The following UNC45B variants were observed in gnomAD, a reference collection of about 807,000 sequenced individuals.
The protein encoded by UNC45B is protein unc-45 homolog B.
UNC45B carries 78 observed loss-of-function variants against 98.7 expected under a neutral mutation model. The observed-to-expected ratio is 0.79, with a 90% CI of 0.66 to 0.95. UNC45B has a LOEUF of 0.95. Among genes scored for constraint, UNC45B ranks in the 40% least tolerant of loss-of-function variants. The pLI is 0.00. For missense variants in UNC45B, 1,225 were observed against 1,184.9 expected, an observed-to-expected ratio of 1.03 and a Z score of -0.50; for synonymous variants, 462 against 480.4, an observed-to-expected ratio of 0.96 and a Z score of 0.50.
Position 35,183,492 on chromosome 17 carries a change from G to A in UNC45B, c.2439G>A (p.Glu813=). 6.2e-7 allele frequency: 1 copy of A among 1,606,630 alleles called. No individual in the cohort carries two copies. Among genetic ancestry groups the A allele is most frequent in the Non-Finnish European group, 8.5e-7 (1 of 1,176,044 alleles). The part of the protein sequence containing the change: ...RLKLVVLLCG[E]DDDKVQNAAA... Reference sequence around the variant, plus strand: ...AGCTGGTGGTGCTGCTCTGCGGGGAGGATGATGATAAGGTGCAGAATGCGG... The same window carrying A: ...AGCTGGTGGTGCTGCTCTGCGGGGAAGATGATGATAAGGTGCAGAATGCGG... The change falls in exon 19 of 20, where the codon GAG becomes GAA. Residue 813 remains glutamate, a synonymous_variant. Coordinates refer to ENST00000394570, the MANE Select transcript of UNC45B (RefSeq NM_001267052.2).
In UNC45B at chr17:35,173,195, G is replaced by T. The variant is rs1446808914; in HGVS notation, c.1831-1047G>T. Among the ~76,000 whole-genome samples, 4 of 139,434 alleles carry T rather than the reference G, an allele frequency of 2.9e-5. No homozygotes were observed. In the Admixed American group the frequency reaches 3.2e-4, roughly 11 times the overall value. 91.5% of individuals were successfully genotyped at this position (139,434 alleles called of 152,430 possible). ...AGGCGGAGTGCAGTGGTGCAATCTT[G>T]GCTCACTGCAACCTCCGCCTCTTGG... On this transcript the variant is annotated intron_variant, in intron 13 of 19. Transcript: ENST00000394570.
intron 12 of UNC45B, 26 bp from the exon 13 acceptor site, chr17:35,171,296 C>A: frequency 1.2e-6 from 2 of 1,606,714 alleles, no homozygotes; most frequent in South Asian, 2.2e-5. Context: ...TTCTGCTTTC[C>A]CTCTCCCCAA....
At chr17:35,178,291 A>G (rs959124626) in intron 17 of UNC45B, among the ~76,000 whole-genome samples, 1 of 152,232 alleles carries the variant, frequency 6.6e-6, no homozygotes, top group Non-Finnish European at 1.5e-5. Flanking sequence ...TCTGATAACC[A>G]GTGATGATGA....
intron 17 of UNC45B, among the ~76,000 whole-genome samples, chr17:35,179,105 G>A (rs1388247454): frequency 6.6e-6 from 1 of 152,204 alleles, no homozygotes; most frequent in Non-Finnish European, 1.5e-5. Flanking sequence ...GTCATTGGTA[G>A]CTTCATGGGA....
intron 7 of UNC45B, among the ~76,000 whole-genome samples, chr17:35,156,138 T>TA (rs1452194961): frequency 1.3e-5 from 2 of 152,106 alleles, no homozygotes; most frequent in East Asian, 3.8e-4. Flanking sequence ...ATGAGATACT[T>TA]AGAGTAGTCA....
At chr17:35,148,467 G>A (rs748829744) in intron 2 of UNC45B, 36 bp downstream of exon 2, 5 of 1,598,012 alleles carry the variant, frequency 3.1e-6, no homozygotes, top group East Asian at 4.5e-5. Flanking sequence ...TGGGAGTGAG[G>A]CAGAGGGGCT....
intron 6 of UNC45B, 126 bp from the exon 7 acceptor site, chr17:35,155,170 G>A: frequency 1.7e-6 from 2 of 1,194,362 alleles, no homozygotes; most frequent in Non-Finnish European, 1.2e-6. Context: ...TGAGGCAATG[G>A]CTGCCTGGGC....
At position 35,189,016 on chromosome 17, in the gene UNC45B, A is replaced by G. The variant is rs1160766555; in HGVS notation, c.*2457A>G. 1 of 152,154 alleles carries G rather than the reference A, an allele frequency of 6.6e-6. No individual in the cohort carries two copies. The highest frequency in any genetic ancestry group is 1.9e-4 in the East Asian group (1 of 5,196). The allele number at this position is 152,154 out of a possible 1,614,324, so 9.4% of individuals were successfully genotyped here. On this transcript the variant is annotated 3_prime_UTR_variant, in exon 20 of 20. Transcript: ENST00000394570. Reference sequence around the variant, plus strand: ...ATCTCTTTATTGAGGTAGTTTGCCCAAAAACAGCAAGGAACAGCCAATACC... The same window carrying G: ...ATCTCTTTATTGAGGTAGTTTGCCCGAAAACAGCAAGGAACAGCCAATACC...
At chr17:35,175,814 T>C (rs971067377) in intron 14 of UNC45B, among the ~76,000 whole-genome samples, 154 bp from the exon 15 acceptor site, 1 of 152,164 alleles carries the variant, frequency 6.6e-6, no homozygotes, top group African/African-American at 2.4e-5. Context: ...CCCAAAGTGG[T>C]TAATTCTGGG....
chr17:35,150,864 G>C lies in UNC45B; in HGVS notation c.381+641G>C, dbSNP rs191567904. ...CTTTCTATGTATTATAAAATACATG[G>C]GAATTGAAGACATCGATGAGGGATA... On this transcript the variant is annotated intron_variant, in intron 4 of 19. Coordinates refer to ENST00000394570, the MANE Select transcript of UNC45B (RefSeq NM_001267052.2). 3.9e-3 allele frequency among the ~76,000 whole-genome samples: 589 copies of C among 151,096 alleles called. 3 individuals carry two copies. Among genetic ancestry groups the C allele is most frequent in the Non-Finnish European group, 5.6e-3 (379 of 67,898 alleles).
intron 19 of UNC45B, among the ~76,000 whole-genome samples, chr17:35,185,219 A>C (rs549364747): frequency 6.6e-6 from 1 of 152,300 alleles, no homozygotes; most frequent in South Asian, 2.1e-4. Flanking sequence ...GTGGAAAGTG[A>C]GCCCTGCTGA....
chr17:35,189,331 C>T lies in UNC45B; in HGVS notation c.*2772C>T, dbSNP rs569001423. 1 of 152,272 alleles carries T rather than the reference C, an allele frequency of 6.6e-6. No individual in the cohort carries two copies. The highest frequency in any genetic ancestry group is 2.1e-4 in the South Asian group (1 of 4,826). 9.4% of individuals were successfully genotyped at this position (152,272 alleles called of 1,614,324 possible). On this transcript the variant is annotated 3_prime_UTR_variant, in exon 20 of 20. Coordinates refer to ENST00000394570, the MANE Select transcript of UNC45B (RefSeq NM_001267052.2). ...GTGAAAGGTAAATAATAAAGAATTT[C>T]TGTTCCTAGTAAGAGTAACTTGTGG... is the stretch of plus-strand genomic sequence containing the variant.
chr17:35,158,349 C>T (rs2142543209), intron 7 of UNC45B, among the ~76,000 whole-genome samples: 1 of 152,228 alleles, frequency 6.6e-6, no homozygotes, highest in Admixed American at 6.5e-5. Flanking sequence ...TGTGGCCTTG[C>T]TAGTGGCCAG....
In UNC45B at chr17:35,148,414, G is replaced by A; in HGVS notation, c.151G>A (p.Ala51Thr). ...LLATLYRNRA[A>T]CGLKTESYVQ... is the part of the protein sequence containing the mutation. ...GGCCACGCTTTATCGGAACCGGGCAGCCTGTGGCCTGAAAACGGTCTGGGG... is the reference window on the plus strand; with the variant it reads ...GGCCACGCTTTATCGGAACCGGGCAACCTGTGGCCTGAAAACGGTCTGGGG... Residue 51 changes from alanine to threonine, a missense_variant, in exon 2 of 20, where the codon GCC (alanine) becomes ACC (threonine). Ala to Thr is a moderately conservative substitution (Grantham distance 58, BLOSUM62 0). Coordinates refer to ENST00000394570, the MANE Select transcript of UNC45B (RefSeq NM_001267052.2). 2 of 1,613,862 alleles carry A rather than the reference G, an allele frequency of 1.2e-6. No individual in the cohort carries two copies. Among genetic ancestry groups the A allele is most frequent in the Non-Finnish European group, 1.7e-6 (2 of 1,179,978 alleles).
In UNC45B at chr17:35,168,283, C is replaced by A. The variant is rs2092156367; in HGVS notation, c.1374C>A (p.Ile458=). 1 of 1,525,326 alleles carries A rather than the reference C, an allele frequency of 6.6e-7. No individual in the cohort carries two copies. Among genetic ancestry groups the A allele is most frequent in the South Asian group, 1.3e-5 (1 of 76,694 alleles). 94.5% of individuals were successfully genotyped at this position (1,525,326 alleles called of 1,614,324 possible). Residue 458 remains isoleucine, a synonymous_variant, in exon 10 of 20, where the codon ATC becomes ATA. Transcript: ENST00000394570. The part of the protein sequence containing the change: ...ASTKLSRATF[I]ITNGVSLLKQ... ...CGAAGCTCAGCCGCGCCACCTTCAT[C>A]ATCACCAATGGAGTGTCACTGCTCA...
intron 8 of UNC45B, 106 bp downstream of exon 8, chr17:35,159,651 T>G: frequency 7.8e-7 from 1 of 1,284,928 alleles, no homozygotes; most frequent in Non-Finnish European, 1.1e-6. Context: ...TCTTCAGTTC[T>G]AACTGAAAAG....
chr17:35,152,129 C>G (rs1172390327), intron 4 of UNC45B, among the ~76,000 whole-genome samples: 2 of 152,034 alleles, frequency 1.3e-5, no homozygotes, highest in African/African-American at 4.8e-5. Context: ...GCCTGTAATC[C>G]CAACTACTCA....
intron 18 of UNC45B, among the ~76,000 whole-genome samples, chr17:35,182,117 T>G: frequency 6.8e-6 from 1 of 147,628 alleles, no homozygotes; most frequent in African/African-American, 2.5e-5. Flanking sequence ...TGAGATGGAG[T>G]CTGGCTCTGT....
intron 3 of UNC45B, 25 bp from the exon 4 acceptor site, chr17:35,150,023 C>G (rs751767024): frequency 6.4e-7 from 1 of 1,566,864 alleles, no homozygotes; most frequent in South Asian, 1.2e-5. Context: ...CCCTAAGGTC[C>G]TCATCCCCCG....
Sources: gnomAD v4.1 joint callset for allele counts (sites outside exome capture counted in the v4.1 genomes callset) on GRCh38, gnomAD v4.1.1 for gene constraint, MANE v1.5 for transcripts, NCBI Gene and HGNC (gene_info 2026-07-23, HGNC 2026-07-21) for gene names.